The following RYR3 variants were observed in gnomAD, a reference collection of about 807,000 sequenced individuals.
The protein encoded by RYR3 is ryanodine receptor 3.
RYR3 carries 207 observed loss-of-function variants against 584.3 expected under a neutral mutation model. The observed-to-expected ratio is 0.35, with a 90% confidence interval of 0.32 to 0.40. The LOEUF is 0.40. RYR3 is among the 10% of genes least tolerant of loss of function. The pLI, the probability that RYR3 is intolerant of heterozygous loss-of-function variation, is 1.00. For missense variants in RYR3, 5,616 were observed against 6,089.2 expected, an observed-to-expected ratio of 0.92 and a Z score of 2.59; for synonymous variants, 2,416 against 2,248.5, an observed-to-expected ratio of 1.07 and a Z score of -2.11.
At chr15:33,709,032 G>T (rs893045636) in intron 43 of RYR3, among the ~76,000 whole-genome samples, 2 of 131,768 alleles carry the variant, frequency 1.5e-5, no homozygotes, top group East Asian at 2.3e-4. Flanking sequence ...GCAGGTAATC[G>T]AAAAAGTTTG....
intron 65 of RYR3, among the ~76,000 whole-genome samples, chr15:33,783,772 T>C (rs2074536449): frequency 6.6e-6 from 1 of 152,202 alleles, no homozygotes; most frequent in Non-Finnish European, 1.5e-5. Context: ...TATAAAATTA[T>C]TTTGTTTGCA....
intron 1 of RYR3, among the ~76,000 whole-genome samples, chr15:33,378,600 G>T (rs1331373723): frequency 6.6e-6 from 1 of 152,230 alleles, no homozygotes; most frequent in Non-Finnish European, 1.5e-5. Context: ...GGAATAACCA[G>T]AAAAGTGTTT....
chr15:33,493,261 CTG>C (rs899420301), intron 2 of RYR3, among the ~76,000 whole-genome samples: 4 of 152,122 alleles, frequency 2.6e-5, no homozygotes, highest in African/African-American at 9.7e-5. Flanking sequence ...CGATGGGACA[CTG>C]TGGTTGATTT....
At position 33,728,999 on chromosome 15, in the gene RYR3, C is replaced by T. The variant is rs2068701532; in HGVS notation, c.7176C>T (p.Asp2392=). The change falls in exon 47 of 104, where the codon GAC becomes GAT. Residue 2392 remains aspartate (D), a synonymous_variant. Coordinates refer to ENST00000634891, the MANE Select transcript of RYR3 (RefSeq NM_001036.6). ...LHLLEVGFLP[D]LRASASLDTV... Reference sequence around the variant, plus strand: ...TGCTGGAGGTTGGATTTTTACCTGACCTAAGAGCTTCTGCCTCTCTAGATA... The same window carrying T: ...TGCTGGAGGTTGGATTTTTACCTGATCTAAGAGCTTCTGCCTCTCTAGATA... 3 of 1,613,914 alleles carry T rather than the reference C, an allele frequency of 1.9e-6. No homozygotes were observed. Among genetic ancestry groups the T allele is most frequent in the Non-Finnish European group, 2.5e-6 (3 of 1,179,868 alleles).
rs549279246 is a variant in RYR3, at chr15:33,826,270, G to T, written c.11164+1G>T. On this transcript the variant is annotated splice_donor_variant, in intron 83 of 103. Coordinates refer to ENST00000634891, the MANE Select transcript of RYR3 (RefSeq NM_001036.6). LOFTEE classifies it high-confidence loss of function. ...TTACCAGTCATTGTTCGGGAACGTGGTAAGTTTCAGTTTCTGGCCTGAGTT... is the reference window on the plus strand; with the variant it reads ...TTACCAGTCATTGTTCGGGAACGTGTTAAGTTTCAGTTTCTGGCCTGAGTT... 70 of 1,613,782 alleles carry T rather than the reference G, an allele frequency of 4.3e-5. No homozygotes were observed. In the South Asian group the frequency reaches 5.5e-4, roughly 13 times the overall value.
At chr15:33,653,208 C>T (rs1008068646) in intron 32 of RYR3, among the ~76,000 whole-genome samples, 1 of 152,110 alleles carries the variant, frequency 6.6e-6, no homozygotes, top group Non-Finnish European at 1.5e-5. Context: ...TTATCTATTA[C>T]CTGCACTATA....
At chr15:33,643,534 C>T (rs1477043376) in intron 27 of RYR3, among the ~76,000 whole-genome samples, 2 of 152,100 alleles carry the variant, frequency 1.3e-5, no homozygotes, top group Non-Finnish European at 2.9e-5. Context: ...CTGCTTGAAA[C>T]TCTGCCTTCC....
At chr15:33,355,396 C>A (rs1295954947) in intron 1 of RYR3, among the ~76,000 whole-genome samples, 1 of 152,098 alleles carries the variant, frequency 6.6e-6, no homozygotes, top group East Asian at 1.9e-4. Flanking sequence ...CATATGGTAC[C>A]TATAGCATCA....
At chr15:33,669,854 G>GGT (rs1566919730) in intron 37 of RYR3, among the ~76,000 whole-genome samples, 10 of 35,996 alleles carry the variant, frequency 2.8e-4, no homozygotes, top group South Asian at 9.0e-4. Context: ...GGGGGGGGGG[G>GGT]GGGGTGTGGG....
chr15:33,734,523 T>G (rs1347698532), intron 48 of RYR3, among the ~76,000 whole-genome samples: 1 of 152,118 alleles, frequency 6.6e-6, no homozygotes, highest in Non-Finnish European at 1.5e-5. Flanking sequence ...GTGTTCCACC[T>G]TTTGCTGGAG....
Position 33,785,698 on chromosome 15 carries a change from C to T in RYR3, c.9305C>T (p.Pro3102Leu), listed in dbSNP as rs775629217. ...CCAGACACGGTAGAAGACATGTGTCCTGACATCCCCCAGCTGGAAGGCCTG... is the reference window on the plus strand; with the variant it reads ...CCAGACACGGTAGAAGACATGTGTCTTGACATCCCCCAGCTGGAAGGCCTG... ...GMPDTVEDMC[P>L]DIPQLEGLMK... The change falls in exon 66 of 104, where the codon CCT (proline) becomes CTT (leucine). Residue 3102 changes from proline to leucine, a missense_variant. Around this residue, in one of 9 missense-constraint regions of RYR3, gnomAD observed 954 missense variants for 1,132.2 expected, o/e 0.84. Coordinates refer to ENST00000634891, the MANE Select transcript of RYR3 (RefSeq NM_001036.6). The T allele has an allele frequency of 6.2e-7, 1 of 1,610,892 alleles. No homozygotes were observed. Among genetic ancestry groups the T allele is most frequent in the Non-Finnish European group, 8.5e-7 (1 of 1,178,340 alleles).
intron 38 of RYR3, among the ~76,000 whole-genome samples, chr15:33,691,514 A>AT (rs1474574067): frequency 1.3e-5 from 2 of 151,704 alleles, no homozygotes; most frequent in Non-Finnish European, 2.9e-5. Flanking sequence ...TACTTTTTTC[A>AT]TTTTTTTCAT....
chr15:33,370,666 G>A (rs1200928434), intron 1 of RYR3, among the ~76,000 whole-genome samples: 1 of 152,200 alleles, frequency 6.6e-6, no homozygotes, highest in Non-Finnish European at 1.5e-5. Context: ...GATGTTGGCA[G>A]CTTTGGTGCA....
chr15:33,566,558 C>T (rs2057726725), intron 11 of RYR3, 120 bp from the exon 12 acceptor site: 1 of 1,090,686 alleles, frequency 9.2e-7, no homozygotes, highest in Non-Finnish European at 1.4e-6. Flanking sequence ...CAAAATGGAC[C>T]CAAGAGAGCT....
chr15:33,540,666 G>A (rs1051328356), intron 6 of RYR3, 125 bp from the exon 7 acceptor site: 1 of 635,272 alleles, frequency 1.6e-6, no homozygotes, highest in Non-Finnish European at 2.9e-6. Flanking sequence ...TCTCCCACAG[G>A]CTGTATAGAA....
At chr15:33,372,528 C>G (rs569996912) in intron 1 of RYR3, among the ~76,000 whole-genome samples, 3 of 152,016 alleles carry the variant, frequency 2.0e-5, no homozygotes, top group Non-Finnish European at 4.4e-5. Context: ...CCACGCCCAG[C>G]TAATTTTTTT....
chr15:33,747,346 A>G (rs948052655), intron 53 of RYR3, among the ~76,000 whole-genome samples: 3 of 141,358 alleles, frequency 2.1e-5, no homozygotes, highest in East Asian at 2.2e-4. Flanking sequence ...TTGACTACCT[A>G]TTAAATTGTA....
intron 1 of RYR3, among the ~76,000 whole-genome samples, chr15:33,357,437 C>A (rs1974137233): frequency 6.6e-6 from 1 of 152,150 alleles, no homozygotes; most frequent in Non-Finnish European, 1.5e-5. Flanking sequence ...CTTTGTCACC[C>A]TCACCTGTCA....
At chr15:33,426,441 C>G (rs117697120) in intron 1 of RYR3, among the ~76,000 whole-genome samples, 1 of 152,238 alleles carries the variant, frequency 6.6e-6, no homozygotes, top group Non-Finnish European at 1.5e-5. Context: ...GCTACAGGCA[C>G]TATTCCATAT....
Sources: gnomAD v4.1 joint callset for allele counts (sites outside exome capture counted in the v4.1 genomes callset) on GRCh38, gnomAD v4.1.1 for gene constraint, gnomAD v4.1.1 regional missense constraint, MANE v1.5 for transcripts, NCBI Gene and HGNC (gene_info 2026-07-23, HGNC 2026-07-21) for gene names.